The following ARAP2 variants were observed in gnomAD, a reference collection of about 807,000 sequenced individuals.
The protein encoded by ARAP2 is ArfGAP with RhoGAP domain, ankyrin repeat and PH domain 2.
A neutral mutation model predicts 194.5 loss-of-function variants in ARAP2; 148 were observed. The observed-to-expected ratio is 0.76, with a 90% CI of 0.67 to 0.87. The LOEUF (loss-of-function observed/expected upper bound fraction) is 0.87, where lower values mean the gene tolerates loss of function less well. Ranked by LOEUF, ARAP2 falls within the 40% of genes least tolerant of loss-of-function variation. The pLI, the probability that ARAP2 is intolerant of heterozygous loss-of-function variation, is 0.00. For missense variants in ARAP2, 2,128 were observed against 1,989.7 expected, an observed-to-expected ratio of 1.07 and a Z score of -1.32; for synonymous variants, 695 against 683.5, an observed-to-expected ratio of 1.02 and a Z score of -0.26.
chr4:36,014,608 T>C (rs568285299), intron 8 of ARAP2, among the ~76,000 whole-genome samples: 6 of 152,200 alleles, frequency 3.9e-5, no homozygotes, highest in South Asian at 2.1e-4. Context: ...AGAAATTCAA[T>C]AGCTTTTCTA....
At chr4:36,010,885 T>G (rs1313809749) in intron 9 of ARAP2, among the ~76,000 whole-genome samples, 4 of 152,174 alleles carry the variant, frequency 2.6e-5, no homozygotes, top group Non-Finnish European at 5.9e-5. Context: ...TCTTGGTGCC[T>G]TGTGTCAAAC....
chr4:36,101,938 ACT>A (rs1281516543), intron 27 of ARAP2, among the ~76,000 whole-genome samples: 1 of 151,202 alleles, frequency 6.6e-6, no homozygotes, highest in South Asian at 2.1e-4. Flanking sequence ...ACTGTTAAGC[ACT>A]CTTTTTTCCT....
chr4:36,075,999 T>C (rs570377080), intron 31 of ARAP2, among the ~76,000 whole-genome samples: 2 of 152,288 alleles, frequency 1.3e-5, no homozygotes, highest in Admixed American at 1.3e-4. Context: ...TGTGGTGATC[T>C]CACTGATTCA....
intron 31 of ARAP2, among the ~76,000 whole-genome samples, chr4:36,078,651 C>T (rs115161599): frequency 4.8e-4 from 73 of 152,172 alleles, no homozygotes; most frequent in Non-Finnish European, 9.0e-4. Flanking sequence ...ATCTTTGAGA[C>T]GAGGACTAGG....
intron 2 of ARAP2, 47 bp from the exon 3 acceptor site, chr4:36,214,527 T>C: frequency 8.2e-7 from 1 of 1,226,262 alleles, no homozygotes; most frequent in East Asian, 2.7e-5. Flanking sequence ...ATATTTATGA[T>C]ATTTATGAGT....
intron 8 of ARAP2, among the ~76,000 whole-genome samples, chr4:36,013,019 T>C (rs952940960): frequency 6.6e-6 from 1 of 152,216 alleles, no homozygotes; most frequent in Non-Finnish European, 1.5e-5. Flanking sequence ...AAATATAGAC[T>C]GTTCTTGTAA....
At chr4:36,071,719 C>CT (rs1726985649) in intron 32 of ARAP2, among the ~76,000 whole-genome samples, 1 of 131,398 alleles carries the variant, frequency 7.6e-6, no homozygotes, top group African/African-American at 2.9e-5. Flanking sequence ...TTTTATTATA[C>CT]TTTAAGTTTT....
chr4:36,122,086 G>T (rs1722807730), intron 22 of ARAP2, among the ~76,000 whole-genome samples: 1 of 151,496 alleles, frequency 6.6e-6, no homozygotes, highest in Admixed American at 6.6e-5. Context: ...ACAATAGTCA[G>T]AATGGCTATT....
intron 21 of ARAP2, among the ~76,000 whole-genome samples, chr4:36,125,990 T>A (rs531562514): frequency 1.1e-4 from 17 of 152,120 alleles, no homozygotes; most frequent in South Asian, 1.0e-3. Context: ...GATCCCTGGC[T>A]AGGTAAGAAA....
At chr4:36,194,930 T>A (rs1218259286) in intron 6 of ARAP2, among the ~76,000 whole-genome samples, 2 of 151,864 alleles carry the variant, frequency 1.3e-5, no homozygotes, top group Non-Finnish European at 1.5e-5. Flanking sequence ...ATGCTTATAA[T>A]CCCATCACTT....
At chr4:36,071,693 A>ATTTTTT (rs55918222) in intron 32 of ARAP2, among the ~76,000 whole-genome samples, 1 of 147,212 alleles carries the variant, frequency 6.8e-6, no homozygotes, top group African/African-American at 2.5e-5. Context: ...TTTTTTTTTA[A>ATTTTTT]TTTTTTTTCT....
chr4:36,153,168 C>A (rs778417357), intron 15 of ARAP2, among the ~76,000 whole-genome samples: 5 of 152,134 alleles, frequency 3.3e-5, no homozygotes, highest in Non-Finnish European at 7.4e-5. Context: ...ATTTCTGTAA[C>A]CATTTCTTAG....
chr4:36,061,017 C>A (rs1724338777), downstream of ARAP2, among the ~76,000 whole-genome samples: 1 of 151,984 alleles, frequency 6.6e-6, no homozygotes, highest in Non-Finnish European at 1.5e-5. Context: ...TAGTGCATAA[C>A]ATATGTTTTA....
chr4:36,107,517 C>G (rs775642921), intron 27 of ARAP2, 48 bp downstream of exon 27: 8 of 1,561,148 alleles, frequency 5.1e-6, no homozygotes, highest in Admixed American at 1.9e-5. Flanking sequence ...TACCCTTTAA[C>G]CACTTGAATT....
At position 36,082,268 on chromosome 4, in the gene ARAP2, A is replaced by C; in HGVS notation, c.4527T>G (p.Tyr1509Ter). 6.2e-7 allele frequency: 1 copy of C among 1,611,654 alleles called. No individual in the cohort carries two copies. The highest frequency in any genetic ancestry group is 8.5e-7 in the Non-Finnish European group (1 of 1,178,934). ...TAACTTACCAGTGATGTTTCTCAGA[A>C]TATGCGGTCAATCCCCAGCTGCATC... ...KPPTSWGLTA[Y>*]SEKHHWHLCC... The change falls in exon 30 of 33, where the codon TAT becomes TAG. Residue 1509 changes from tyrosine to a stop codon, truncating the protein, a stop_gained. Coordinates refer to ENST00000303965, the MANE Select transcript of ARAP2 (RefSeq NM_015230.4). LOFTEE classifies it high-confidence loss of function.
chr4:36,108,868 A>G (rs1399173902), intron 26 of ARAP2, among the ~76,000 whole-genome samples: 3 of 151,994 alleles, frequency 2.0e-5, no homozygotes, highest in African/African-American at 4.8e-5. Context: ...TGACATGAAG[A>G]TGTCAATGCT....
At chr4:36,151,175 T>TGA (rs1170755160) in intron 15 of ARAP2, 131 bp from the exon 16 acceptor site, 28 of 807,410 alleles carry the variant, frequency 3.5e-5, no homozygotes, top group Non-Finnish European at 5.2e-5. Flanking sequence ...TCACATAAAG[T>TGA]ATATGTTATT....
At chr4:36,202,496 A>G (rs533926191) in intron 6 of ARAP2, among the ~76,000 whole-genome samples, 9 of 137,328 alleles carry the variant, frequency 6.6e-5, no homozygotes, top group African/African-American at 2.5e-4. Flanking sequence ...AAATGAGAAG[A>G]AAAAAAAAAA....
intron 32 of ARAP2, among the ~76,000 whole-genome samples, chr4:36,071,315 G>A (rs1407588168): frequency 7.9e-5 from 12 of 152,082 alleles, no homozygotes; most frequent in Non-Finnish European, 1.0e-4. Context: ...TTAGAACGAT[G>A]GCGTTAAAGT....
Sources: gnomAD v4.1 joint callset for allele counts (sites outside exome capture counted in the v4.1 genomes callset) on GRCh38, gnomAD v4.1.1 for gene constraint, MANE v1.5 for transcripts, NCBI Gene and HGNC (gene_info 2026-07-23, HGNC 2026-07-21) for gene names.